The following GPBP1 variants were observed in gnomAD, a reference collection of about 807,000 sequenced individuals.
The protein encoded by GPBP1 is GC-rich promoter binding protein 1.
Under a neutral mutation model 56.5 loss-of-function variants are expected in GPBP1, and 13 were observed. That is an observed-to-expected ratio of 0.23 (90% CI 0.15 to 0.37). The LOEUF (loss-of-function observed/expected upper bound fraction) is 0.37. GPBP1 is among the 10% of genes least tolerant of loss of function. GPBP1 has a pLI of 1.00. For missense variants in GPBP1, 477 were observed against 572.3 expected, an observed-to-expected ratio of 0.83 and a Z score of 1.70; for synonymous variants, 204 against 188.9, an observed-to-expected ratio of 1.08 and a Z score of -0.66.
At chr5:57,236,442 T>G (rs1336984987) in intron 6 of GPBP1, among the ~76,000 whole-genome samples, 1 of 152,060 alleles carries the variant, frequency 6.6e-6, no homozygotes, top group African/African-American at 2.4e-5. Context: ...TATTTTTACC[T>G]ATGAAAGTGG....
chr5:57,200,180 TTTTC>T (rs1362591278), intron 2 of GPBP1, among the ~76,000 whole-genome samples: 5 of 131,038 alleles, frequency 3.8e-5, no homozygotes, highest in Admixed American at 8.1e-5. Context: ...CTCTCTTTCC[TTTTC>T]TTTCTTTCGT....
intron 3 of GPBP1, among the ~76,000 whole-genome samples, chr5:57,228,367 A>G (rs910577212): frequency 6.6e-6 from 1 of 152,220 alleles, no homozygotes. Context: ...AGGCAGGAGA[A>G]TCATTTGAAC....
At position 57,175,840 on chromosome 5, in the gene GPBP1, TTATTTTTAC is replaced by T. The variant is rs1753771054; in HGVS notation, c.-617_-609del. On this transcript the variant is annotated 5_prime_UTR_variant, in exon 2 of 12. Coordinates refer to ENST00000506184, the MANE Select transcript of GPBP1 (RefSeq NM_022913.4). ...AGTATTGCTGAAGTTTCATGGCAGT[TTATTTTTAC>T]CTTTATTGAAAGTTTTAGGAATTTT... 1 of 397,274 alleles carries T rather than the reference TTATTTTTAC, an allele frequency of 2.5e-6. No homozygotes were observed. Among genetic ancestry groups the T allele is most frequent in the Non-Finnish European group, 4.4e-6 (1 of 225,718 alleles). 24.6% of individuals were successfully genotyped at this position (397,274 alleles called of 1,614,324 possible).
At chr5:57,244,390 T>C (rs779981203) in intron 6 of GPBP1, among the ~76,000 whole-genome samples, 2 of 152,360 alleles carry the variant, frequency 1.3e-5, no homozygotes, top group African/African-American at 4.8e-5. Flanking sequence ...GAAGATAAAC[T>C]TGTGTGCTTA....
chr5:57,175,734 A>G lies in GPBP1; in HGVS notation c.-724A>G, dbSNP rs1226757998. 1.0e-5 allele frequency: 4 copies of G among 396,210 alleles called. No individual in the cohort carries two copies. The highest frequency in any genetic ancestry group is 8.9e-6 in the Non-Finnish European group (2 of 225,320). 24.5% of individuals were successfully genotyped at this position (396,210 alleles called of 1,614,324 possible). ...GGTAATTTTTGCCTCCCCTTCCCCC[A>G]CCCCGTTGTTGGGGTTCTTCAGCCG... is the stretch of plus-strand genomic sequence containing the variant. On this transcript the variant is annotated 5_prime_UTR_variant, in exon 2 of 12. Coordinates refer to ENST00000506184, the MANE Select transcript of GPBP1 (RefSeq NM_022913.4).
At chr5:57,190,358 G>T (rs1754467345) in intron 2 of GPBP1, among the ~76,000 whole-genome samples, 1 of 152,032 alleles carries the variant, frequency 6.6e-6, no homozygotes, top group Non-Finnish European at 1.5e-5. Context: ...GCCGAGGCAG[G>T]TGGATCACCT....
At chr5:57,222,243 A>G (rs931463852) in intron 3 of GPBP1, among the ~76,000 whole-genome samples, 1 of 152,098 alleles carries the variant, frequency 6.6e-6, no homozygotes, top group African/African-American at 2.4e-5. Flanking sequence ...CACTTATATT[A>G]AGGTAACAAA....
intron 2 of GPBP1, among the ~76,000 whole-genome samples, chr5:57,181,726 A>G (rs1754059145): frequency 6.6e-6 from 1 of 152,086 alleles, no homozygotes; most frequent in Non-Finnish European, 1.5e-5. Flanking sequence ...CCAGGCCGAG[A>G]CAGTGGTTTC....
chr5:57,228,590 A>G lies in GPBP1; in HGVS notation c.64-2256A>G, dbSNP rs561898501. ...AGGAGTTCAAGTCTGGCTTGGGCAT[A>G]TAGATCTGTCTCTAAGGGGGAAAAA... On this transcript the variant is annotated intron_variant, in intron 3 of 11. Transcript: ENST00000506184. 3.3e-3 allele frequency among the ~76,000 whole-genome samples: 476 copies of G among 146,380 alleles called. 4 individuals are homozygous for G. The highest frequency in any genetic ancestry group is 0.011 in the African/African-American group (455 of 39,768).
At chr5:57,210,431 A>C (rs1003002444) in intron 2 of GPBP1, among the ~76,000 whole-genome samples, 8 of 152,328 alleles carry the variant, frequency 5.3e-5, no homozygotes, top group African/African-American at 1.9e-4. Context: ...TTTCTTAAAA[A>C]AAATTTTTTT....
chr5:57,197,114 A>G (rs958774941), intron 2 of GPBP1, among the ~76,000 whole-genome samples: 5 of 151,342 alleles, frequency 3.3e-5, no homozygotes, highest in East Asian at 2.0e-4. Flanking sequence ...GCGTTTCACT[A>G]TGTTGCCCAG....
At chr5:57,256,871 G>A (rs1741688012) in intron 10 of GPBP1, among the ~76,000 whole-genome samples, 1 of 152,166 alleles carries the variant, frequency 6.6e-6, no homozygotes, top group African/African-American at 2.4e-5. Context: ...AGCTAAGAGA[G>A]TTAATGGCTT....
At chr5:57,236,393 A>G (rs980756024) in intron 6 of GPBP1, among the ~76,000 whole-genome samples, 2 of 152,208 alleles carry the variant, frequency 1.3e-5, no homozygotes, top group Admixed American at 1.3e-4. Context: ...GAAAACTTTA[A>G]CTGGAAATAC....
chr5:57,233,343 T>G (rs887421477), intron 5 of GPBP1, among the ~76,000 whole-genome samples: 1 of 152,168 alleles, frequency 6.6e-6, no homozygotes, highest in African/African-American at 2.4e-5. Flanking sequence ...TACTCTGTAT[T>G]CTCATGTTAG....
chr5:57,246,553 G>C (rs1159440989), intron 7 of GPBP1, 69 bp downstream of exon 7: 1 of 1,328,772 alleles, frequency 7.5e-7, no homozygotes, highest in African/African-American at 1.5e-5. Context: ...GGGGGGAAAT[G>C]TTAAAGAATT....
At chr5:57,205,924 T>C (rs1580004017) in intron 2 of GPBP1, among the ~76,000 whole-genome samples, 1 of 152,080 alleles carries the variant, frequency 6.6e-6, no homozygotes, top group South Asian at 2.1e-4. Context: ...TCACCACACC[T>C]GGCTAAGTTT....
chr5:57,247,788 G>C (rs1580071988), intron 8 of GPBP1, among the ~76,000 whole-genome samples: 6 of 152,296 alleles, frequency 3.9e-5, no homozygotes, highest in African/African-American at 1.4e-4. Flanking sequence ...CTGTTGCTCA[G>C]GCTGGAGTAC....
intron 2 of GPBP1, among the ~76,000 whole-genome samples, chr5:57,180,922 A>G (rs549929501): frequency 6.6e-6 from 1 of 152,126 alleles, no homozygotes; most frequent in East Asian, 1.9e-4. Flanking sequence ...TTGAATTTTT[A>G]GTAGAGATGG....
At chr5:57,203,752 T>G (rs2111710535) in intron 2 of GPBP1, among the ~76,000 whole-genome samples, 1 of 152,292 alleles carries the variant, frequency 6.6e-6, no homozygotes, top group South Asian at 2.1e-4. Flanking sequence ...AATGGAAGTT[T>G]TCAAATGTTG....
Sources: allele counts gnomAD v4.1 joint callset (sites outside exome capture counted in the v4.1 genomes callset), GRCh38; gene constraint gnomAD v4.1.1; transcripts MANE v1.5; gene names NCBI Gene and HGNC (gene_info 2026-07-23, HGNC 2026-07-21).